DMXL2: variants seen among roughly 807,000 people sequenced by gnomAD.
The protein encoded by DMXL2 is Dmx like 2, also known as dmX-like protein 2.
Under a neutral mutation model 331.1 loss-of-function variants are expected in DMXL2, and 103 were observed. The ratio of observed to expected loss-of-function variants is 0.31; its 90% CI spans 0.27 to 0.37. The LOEUF is 0.37. Among genes scored for constraint, DMXL2 ranks in the 10% least tolerant of loss-of-function variants. DMXL2 has a pLI of 1.00. For synonymous variants in DMXL2, 1,281 were observed against 1,252.1 expected, an observed-to-expected ratio of 1.02 and a Z score of -0.49; for missense variants, 3,171 against 3,642.9, an observed-to-expected ratio of 0.87 and a Z score of 3.33.
intron 1 of DMXL2, among the ~76,000 whole-genome samples, chr15:51,593,526 G>C (rs1236906512): frequency 6.6e-6 from 1 of 152,116 alleles, no homozygotes; most frequent in Non-Finnish European, 1.5e-5. Flanking sequence ...GGTTAACAAG[G>C]ATATCCAGGA....
At chr15:51,450,502 T>G in intron 42 of DMXL2, 156 bp from the exon 43 acceptor site, 1 of 724,966 alleles carries the variant, frequency 1.4e-6, no homozygotes, top group Non-Finnish European at 2.2e-6. Context: ...TGTAATCACA[T>G]GATTAAAGAA....
At chr15:51,560,916 T>C (rs963474064) in intron 6 of DMXL2, among the ~76,000 whole-genome samples, 3 of 151,872 alleles carry the variant, frequency 2.0e-5, no homozygotes, top group Non-Finnish European at 4.4e-5. Context: ...GGTACATGTG[T>C]ATTTGTTTAT....
intron 1 of DMXL2, among the ~76,000 whole-genome samples, chr15:51,610,930 C>T (rs958193067): frequency 2.6e-5 from 4 of 152,044 alleles, no homozygotes; most frequent in African/African-American, 7.2e-5. Flanking sequence ...AAATTTACTT[C>T]CAAATTACTT....
In DMXL2 at chr15:51,616,135, A is replaced by C. The variant is rs931794565; in HGVS notation, c.87+6324T>G. On this transcript the variant is annotated intron_variant, in intron 1 of 43. Transcript: ENST00000560891. Reference sequence around the variant, plus strand: ...CTAAAGGAACATCTCTCCAATGATAATCCATCTAAGAGGGTATTATTTATT... The same window carrying C: ...CTAAAGGAACATCTCTCCAATGATACTCCATCTAAGAGGGTATTATTTATT... Among the ~76,000 whole-genome samples, 3 of 152,190 alleles carry C rather than the reference A, an allele frequency of 2.0e-5. No homozygotes were observed. The East Asian group carries it at 5.8e-4, about 29-fold the overall frequency.
chr15:51,499,916 T>C lies in DMXL2; in HGVS notation c.3308A>G (p.His1103Arg). ...AGATTCACATTCAAATATACAAACATGCATGGAAAATTCTTTAGAAACAAA... is the reference window on the plus strand; with the variant it reads ...AGATTCACATTCAAATATACAAACACGCATGGAAAATTCTTTAGAAACAAA... ...NGFVSKEFSM[H>R]VCIFECESTG... The change falls in exon 18 of 44, where the codon CAT (histidine) becomes CGT (arginine). Residue 1103 changes from histidine (H) to arginine (R), a missense_variant. By Grantham distance (29) the His-to-Arg change is conservative. Transcript: ENST00000560891. The C allele has an allele frequency of 1.2e-6, 2 of 1,614,118 alleles. No homozygotes were observed. The highest frequency in any genetic ancestry group is 1.7e-6 in the Non-Finnish European group (2 of 1,179,998).
At chr15:51,556,570 C>T (rs1443185305) in intron 6 of DMXL2, among the ~76,000 whole-genome samples, 8 of 151,638 alleles carry the variant, frequency 5.3e-5, no homozygotes, top group African/African-American at 1.2e-4. Flanking sequence ...GTCAGGAGTT[C>T]GAGACCAGCC....
chr15:51,462,577 T>C (rs1398015890), intron 33 of DMXL2, among the ~76,000 whole-genome samples: 2 of 152,206 alleles, frequency 1.3e-5, no homozygotes, highest in Non-Finnish European at 2.9e-5. Context: ...CTTCAGGTGA[T>C]CTGCCCGCCT....
intron 1 of DMXL2, among the ~76,000 whole-genome samples, chr15:51,622,138 C>T (rs1217284993): frequency 6.6e-6 from 1 of 152,232 alleles, no homozygotes; most frequent in Non-Finnish European, 1.5e-5. Context: ...TCAGCCGCAC[C>T]ACCACTTTCC....
chr15:51,606,144 T>A (rs2053571073), intron 1 of DMXL2, among the ~76,000 whole-genome samples: 1 of 152,212 alleles, frequency 6.6e-6, no homozygotes, highest in South Asian at 2.1e-4. Context: ...TGAAGATTAA[T>A]CCACATAACA....
chr15:51,588,692 T>C (rs182359078), intron 1 of DMXL2, among the ~76,000 whole-genome samples: 57 of 152,328 alleles, frequency 3.7e-4, no homozygotes, highest in Admixed American at 1.2e-3. Context: ...TTTGCTCAAA[T>C]AGTATGATTA....
At chr15:51,488,501 C>A in intron 21 of DMXL2, 47 bp downstream of exon 21, 1 of 1,497,562 alleles carries the variant, frequency 6.7e-7, no homozygotes, top group Admixed American at 1.8e-5. Flanking sequence ...TTACTCACAG[C>A]ACAATCTTCA....
chr15:51,466,983 C>A (rs532741759), intron 29 of DMXL2, among the ~76,000 whole-genome samples: 2 of 151,432 alleles, frequency 1.3e-5, no homozygotes, highest in Non-Finnish European at 2.9e-5. Context: ...AAATCATACA[C>A]GTATAAGAAG....
chr15:51,520,242 T>C (rs2047279702), intron 13 of DMXL2, among the ~76,000 whole-genome samples: 1 of 152,202 alleles, frequency 6.6e-6, no homozygotes, highest in Admixed American at 6.5e-5. Context: ...TTATCTCAGA[T>C]ATCTATCTCC....
rs1437055068 is a variant in DMXL2 at position 51,471,312 on chromosome 15, T to C, written c.7303A>G (p.Thr2435Ala). Reference protein sequence around the residue: ...LVPGRPVKDATPPPVPAERPS... With the variant: ...LVPGRPVKDAAPPPVPAERPS... Reference sequence around the variant, plus strand: ...CTTTCTGCAGGCACCGGTGGTGGGGTAGCATCTTTTACAGGCCTTCCAGGG... The same window carrying C: ...CTTTCTGCAGGCACCGGTGGTGGGGCAGCATCTTTTACAGGCCTTCCAGGG... The change falls in exon 29 of 44, where the codon ACC (threonine) becomes GCC (alanine). Residue 2435 changes from threonine to alanine, a missense_variant. Thr to Ala is a moderately conservative substitution (Grantham distance 58). Coordinates refer to ENST00000560891, the MANE Select transcript of DMXL2 (RefSeq NM_001378457.1). The C allele has an allele frequency of 3.1e-6, 5 of 1,613,938 alleles. No homozygotes were observed. Among genetic ancestry groups the C allele is most frequent in the South Asian group, 1.1e-5 (1 of 91,072 alleles).
At position 51,563,472 on chromosome 15, in the gene DMXL2, T is replaced by C. The variant is rs780938646; in HGVS notation, c.501-25A>G. The C allele has an allele frequency of 7.7e-6, 12 of 1,556,668 alleles. No homozygotes were observed. In the African/African-American group the frequency reaches 1.1e-4, roughly 14 times the overall value. The stretch of plus-strand genomic sequence containing the variant: ...TCTAAAAAAGAGAGAGTTAGGCAAT[T>C]AGCCCTTTTAAAATCTGGTGTACTG... On this transcript the variant is annotated intron_variant, in intron 5 of 43. Transcript: ENST00000560891.
intron 16 of DMXL2, among the ~76,000 whole-genome samples, chr15:51,505,469 A>G (rs2046348025): frequency 6.6e-6 from 1 of 152,142 alleles, no homozygotes; most frequent in Admixed American, 6.5e-5. Flanking sequence ...AGCCACTCCC[A>G]TTTCTGTGCC....
chr15:51,600,448 T>A (rs543559518), intron 1 of DMXL2, among the ~76,000 whole-genome samples: 1 of 152,202 alleles, frequency 6.6e-6, no homozygotes, highest in Admixed American at 6.5e-5. Flanking sequence ...AAGAACACCC[T>A]GGACCCCAGT....
intron 1 of DMXL2, among the ~76,000 whole-genome samples, chr15:51,599,935 G>A (rs556780950): frequency 1.3e-5 from 2 of 152,046 alleles, no homozygotes; most frequent in South Asian, 4.2e-4. Flanking sequence ...TCCTGACCTC[G>A]TGATCTGCCC....
chr15:51,527,556 C>G (rs570652310), intron 13 of DMXL2, among the ~76,000 whole-genome samples: 2 of 152,208 alleles, frequency 1.3e-5, no homozygotes, highest in South Asian at 2.1e-4. Context: ...CGGTGAAACC[C>G]TGTCTCTACT....
Sources: gnomAD v4.1 joint callset for allele counts (sites outside exome capture counted in the v4.1 genomes callset) on GRCh38, gnomAD v4.1.1 for gene constraint, MANE v1.5 for transcripts, NCBI Gene and HGNC (gene_info 2026-07-23, HGNC 2026-07-21) for gene names.